JAKMIP3: variants seen among roughly 807,000 people sequenced by gnomAD.
The protein encoded by JAKMIP3 is Janus kinase and microtubule interacting protein 3.
Under a neutral mutation model 118.5 loss-of-function variants are expected in JAKMIP3, and 58 were observed. That is an observed-to-expected ratio of 0.49 (90% CI 0.40 to 0.61). The LOEUF is 0.61. Among genes scored for constraint, JAKMIP3 ranks in the 20% least tolerant of loss-of-function variants. The pLI is 0.00. For missense variants in JAKMIP3, 950 were observed against 1,109.0 expected, an observed-to-expected ratio of 0.86 and a Z score of 2.04; for synonymous variants, 486 against 451.2, an observed-to-expected ratio of 1.08 and a Z score of -0.98.
chr10:132,180,710 CGTGTGTGT>C lies in JAKMIP3; in HGVS notation c.*1104-1645_*1104-1638del, dbSNP rs1200016178. ...GTGTGTGCGTGCGTGTGTGTGTGCG[CGTGTGTGT>C]GCGTGTGTGTGCGTGTGTGCGTGCG... On this transcript the variant is annotated intron_variant, in intron 23 of 23. Coordinates refer to ENST00000684848, the MANE Select transcript of JAKMIP3 (RefSeq NM_001323087.2). Among the ~76,000 whole-genome samples the C allele has an allele frequency of 2.4e-3, 23 of 9,474 alleles. 6 individuals carry two copies. Among genetic ancestry groups the C allele is most frequent in the African/African-American group, 0.011 (23 of 2,012 alleles). 6.2% of individuals were successfully genotyped at this position (9,474 alleles called of 152,430 possible).
At chr10:132,156,767 G>A (rs1337518383) in intron 19 of JAKMIP3, among the ~76,000 whole-genome samples, 1 of 152,196 alleles carries the variant, frequency 6.6e-6, no homozygotes, top group East Asian at 1.9e-4. Flanking sequence ...TGCGGGTGAT[G>A]CATAGGTGAA....
At chr10:132,173,433 AC>A (rs2059821684) in intron 23 of JAKMIP3, among the ~76,000 whole-genome samples, 1 of 151,502 alleles carries the variant, frequency 6.6e-6, no homozygotes, top group South Asian at 2.1e-4. Flanking sequence ...AGGATTGCTA[AC>A]CCAGACCCTG....
At chr10:132,114,726 C>T (rs1414099901) in intron 2 of JAKMIP3, among the ~76,000 whole-genome samples, 2 of 152,168 alleles carry the variant, frequency 1.3e-5, no homozygotes, top group Admixed American at 6.5e-5. Flanking sequence ...TCTTTGGGTT[C>T]ATGAGTATGA....
intron 5 of JAKMIP3, 91 bp from the exon 6 acceptor site, chr10:132,135,839 G>C (rs1404555544): frequency 2.9e-6 from 4 of 1,379,370 alleles, no homozygotes; most frequent in Non-Finnish European, 3.9e-6. Context: ...CGTTGTTGCA[G>C]CCCAAGCTGT....
intron 1 of JAKMIP3, among the ~76,000 whole-genome samples, chr10:132,092,045 G>A (rs2043159843): frequency 6.8e-6 from 1 of 147,316 alleles, no homozygotes; most frequent in Admixed American, 6.9e-5. Context: ...TAGTTTGGCT[G>A]GATATGAAAT....
chr10:132,111,622 G>T (rs2046892962), intron 2 of JAKMIP3, among the ~76,000 whole-genome samples: 1 of 152,064 alleles, frequency 6.6e-6, no homozygotes, highest in Non-Finnish European at 1.5e-5. Context: ...TGATCACTAT[G>T]CTGGAACAAC....
chr10:132,125,456 G>A (rs998556953), intron 3 of JAKMIP3, among the ~76,000 whole-genome samples: 6 of 152,260 alleles, frequency 3.9e-5, no homozygotes, highest in African/African-American at 7.2e-5. Context: ...TTAGTACCAC[G>A]TCTTAGTTCC....
chr10:132,101,015 T>C (rs2044809239), intron 1 of JAKMIP3, among the ~76,000 whole-genome samples: 1 of 152,136 alleles, frequency 6.6e-6, no homozygotes, highest in African/African-American at 2.4e-5. Context: ...GTTCCCAGAT[T>C]GGTGCTGGAG....
chr10:132,062,450 C>T (rs973738517), upstream of JAKMIP3, among the ~76,000 whole-genome samples: 1 of 152,170 alleles, frequency 6.6e-6, no homozygotes, highest in Non-Finnish European at 1.5e-5. Flanking sequence ...AAACAGAACC[C>T]GCCTAACTCC....
chr10:132,063,083 A>G (rs113600657), upstream of JAKMIP3, among the ~76,000 whole-genome samples: 1,212 of 152,300 alleles, frequency 8.0e-3, 17 homozygotes, highest in African/African-American at 0.027. Context: ...GCGATGGAGC[A>G]GCAGAGCCCT....
Position 132,153,910 on chromosome 10 carries a change from C to T in JAKMIP3, c.2143-3C>T, listed in dbSNP as rs2136227216. On this transcript the variant is annotated splice_polypyrimidine_tract_variant and splice_region_variant and intron_variant, in intron 18 of 23. Coordinates refer to ENST00000684848, the MANE Select transcript of JAKMIP3 (RefSeq NM_001323087.2). ...ACCGAGGCATGGCCCTCCTGTGTTT[C>T]AGGAGCTGTTCAGTAAGCAGAAGGG... 2 of 1,613,038 alleles carry T rather than the reference C, an allele frequency of 1.2e-6. No individual in the cohort carries two copies. The highest frequency in any genetic ancestry group is 4.5e-5 in the East Asian group (2 of 44,864).
In JAKMIP3 at chr10:132,117,283, G is replaced by A; in HGVS notation, c.342G>A (p.Gln114=). The A allele has an allele frequency of 1.2e-6, 2 of 1,613,976 alleles. No individual in the cohort carries two copies. Among genetic ancestry groups the A allele is most frequent in the Non-Finnish European group, 1.7e-6 (2 of 1,179,894 alleles). Residue 114 remains glutamine, a synonymous_variant, in exon 3 of 24, where the codon CAG becomes CAA. Coordinates refer to ENST00000684848, the MANE Select transcript of JAKMIP3 (RefSeq NM_001323087.2). The surrounding 1 kb of genome is among the most constrained non-coding windows in gnomAD (Gnocchi z 8.6). ...TCAAGATCAAGGACAACGAGAACCA[G>A]CGGCTGCAGGCACTGCTCAGTGCCC... ...RVIKIKDNEN[Q]RLQALLSALR...
chr10:132,157,630 G>A (rs1332706303), intron 19 of JAKMIP3, among the ~76,000 whole-genome samples: 1 of 152,170 alleles, frequency 6.6e-6, no homozygotes, highest in African/African-American at 2.4e-5. Context: ...GTCCTAGCAG[G>A]CATGTCTCTG....
Position 132,052,251 on chromosome 10 carries a change from T to C in JAKMIP3, c.-138+15513T>C, listed in dbSNP as rs115562836. On this transcript the variant is annotated intron_variant, in intron 1 of 23. Coordinates refer to the JAKMIP3 transcript ENST00000657785. ...AACAACAACAAAACAAAAGCATGAT[T>C]CCATTGTTGTGTGGCTTCCATTGTC... Among the ~76,000 whole-genome samples the C allele has an allele frequency of 3.2e-3, 493 of 152,238 alleles. 4 individuals are homozygous for C. Among genetic ancestry groups the C allele is most frequent in the African/African-American group, 0.011 (468 of 41,550 alleles).
chr10:132,059,349 C>G (rs992381155), intron 1 of JAKMIP3, among the ~76,000 whole-genome samples: 7 of 152,246 alleles, frequency 4.6e-5, no homozygotes, highest in African/African-American at 7.2e-5. Context: ...GCATTTGAAG[C>G]CTTTCATATG....
At chr10:132,180,660 T>TGC (rs1304084514) in intron 23 of JAKMIP3, among the ~76,000 whole-genome samples, 5 of 33,564 alleles carry the variant, frequency 1.5e-4, no homozygotes, top group Admixed American at 4.2e-4. Context: ...TGCGTGTGCG[T>TGC]GTGTGCGTGT....
chr10:132,147,707 G>A (rs536485821), intron 13 of JAKMIP3, among the ~76,000 whole-genome samples: 8 of 152,190 alleles, frequency 5.3e-5, no homozygotes, highest in African/African-American at 9.7e-5. Context: ...CGATATGATC[G>A]CCAGGCTCCT....
intron 1 of JAKMIP3, among the ~76,000 whole-genome samples, chr10:132,058,776 T>C (rs2038314768): frequency 6.6e-6 from 1 of 152,328 alleles, no homozygotes; most frequent in South Asian, 2.1e-4. Flanking sequence ...GAGGGAGTCA[T>C]ATGTCTGGAT....
chr10:132,062,256 C>T (rs1380572577), upstream of JAKMIP3, among the ~76,000 whole-genome samples: 2 of 152,194 alleles, frequency 1.3e-5, no homozygotes, highest in African/African-American at 2.4e-5. Context: ...TGGGAGGTGT[C>T]GGGAGACAGG....
Sources: gnomAD v4.1 joint callset for allele counts (sites outside exome capture counted in the v4.1 genomes callset) on GRCh38, gnomAD v4.1.1 for gene constraint, Gnocchi (gnomAD v3.1) non-coding constraint, MANE v1.5 for transcripts, NCBI Gene and HGNC (gene_info 2026-07-23, HGNC 2026-07-21) for gene names.